SEC23IP: variants seen among roughly 807,000 people sequenced by gnomAD.
The protein encoded by SEC23IP is SEC23 interacting protein, also known as SEC23-interacting protein.
In SEC23IP, 70 loss-of-function variants were observed where a neutral mutation model predicts 113.4. The ratio of observed to expected loss-of-function variants is 0.62; its 90% CI spans 0.51 to 0.75. The LOEUF is 0.75. SEC23IP is among the 30% of genes least tolerant of loss of function. SEC23IP has a pLI of 0.00. For missense variants in SEC23IP, 1,160 were observed against 1,204.9 expected, an observed-to-expected ratio of 0.96 and a Z score of 0.55; for synonymous variants, 398 against 421.0, an observed-to-expected ratio of 0.95 and a Z score of 0.67.
At chr10:119,904,962 T>C (rs1343019885) in intron 4 of SEC23IP, among the ~76,000 whole-genome samples, 1 of 151,970 alleles carries the variant, frequency 6.6e-6, no homozygotes. Context: ...GGCGAAACCA[T>C]GTCTCTACTA....
chr10:119,893,275 C>G (rs906914220), intron 1 of SEC23IP, among the ~76,000 whole-genome samples: 1 of 152,098 alleles, frequency 6.6e-6, no homozygotes, highest in Non-Finnish European at 1.5e-5. Context: ...AACAGTGGCC[C>G]TCTCCTAGGG....
At chr10:119,900,517 T>C (rs966209704) in intron 2 of SEC23IP, among the ~76,000 whole-genome samples, 1 of 152,186 alleles carries the variant, frequency 6.6e-6, no homozygotes, top group South Asian at 2.1e-4. Context: ...CTCACTATGT[T>C]GCCCAGGCTG....
chr10:119,922,570 G>A (rs767193616), intron 12 of SEC23IP, among the ~76,000 whole-genome samples: 4 of 152,180 alleles, frequency 2.6e-5, no homozygotes, highest in Non-Finnish European at 5.9e-5. Context: ...TTGGAAAGGC[G>A]TGAAGTGGAG....
chr10:119,930,903 G>A (rs543968693), intron 15 of SEC23IP, among the ~76,000 whole-genome samples: 7 of 152,280 alleles, frequency 4.6e-5, no homozygotes, highest in African/African-American at 1.7e-4. Flanking sequence ...TGTTAATGGT[G>A]TGTATTAACG....
intron 2 of SEC23IP, among the ~76,000 whole-genome samples, chr10:119,900,283 GTGTGTGTGTGTGTGTA>G (rs1403502389): frequency 2.0e-5 from 3 of 150,514 alleles, no homozygotes; most frequent in Non-Finnish European, 4.4e-5. Flanking sequence ...GTGTGTGTAT[GTGTGTGTGTGTGTGTA>G]TATATATATA....
At chr10:119,934,764 A>G (rs543444889) in intron 18 of SEC23IP, among the ~76,000 whole-genome samples, 18 of 152,336 alleles carry the variant, frequency 1.2e-4, no homozygotes, top group Non-Finnish European at 1.9e-4. Flanking sequence ...TTAGAGAGGT[A>G]AGTACTTTTA....
intron 8 of SEC23IP, among the ~76,000 whole-genome samples, chr10:119,916,189 G>GCATCCCCATTA (rs1855047388): frequency 6.6e-6 from 1 of 152,128 alleles, no homozygotes; most frequent in African/African-American, 2.4e-5. Context: ...TGCCTAATGG[G>GCATCCCCATTA]CTTTCCACCC....
intron 2 of SEC23IP, among the ~76,000 whole-genome samples, chr10:119,901,603 A>G (rs1187977398): frequency 6.6e-6 from 1 of 152,238 alleles, no homozygotes; most frequent in Admixed American, 6.5e-5. Context: ...AAAGTGTACA[A>G]TTAGCTGAGT....
rs373292422 is a variant in SEC23IP at position 119,900,247 on chromosome 10, TTATATA to T, written c.696+1290_696+1295del. Reference sequence around the variant, plus strand: ...ATACTTCAAAATGATTTTTTAGAAATTATATATGTGTATGTATATGTACGTGTGTGT... The same window carrying T: ...ATACTTCAAAATGATTTTTTAGAAATTGTGTATGTATATGTACGTGTGTGT... On this transcript the variant is annotated intron_variant, in intron 2 of 18. Transcript: ENST00000369075. Among the ~76,000 whole-genome samples, 269 of 152,014 alleles carry T rather than the reference TTATATA, an allele frequency of 1.8e-3. 1 individual carries two copies. Among genetic ancestry groups the T allele is most frequent in the African/African-American group, 6.0e-3 (248 of 41,482 alleles).
intron 3 of SEC23IP, among the ~76,000 whole-genome samples, chr10:119,903,437 TAC>T (rs1255463229): frequency 6.6e-6 from 1 of 152,180 alleles, no homozygotes; most frequent in Non-Finnish European, 1.5e-5. Context: ...TGTGCAGGAG[TAC>T]ATTAATGCTT....
intron 14 of SEC23IP, 92 bp from the exon 15 acceptor site, chr10:119,930,237 C>A: frequency 1.7e-6 from 1 of 599,116 alleles, no homozygotes; most frequent in South Asian, 2.9e-5. Flanking sequence ...TCTGATTTGC[C>A]ATGTATCCAT....
intron 15 of SEC23IP, among the ~76,000 whole-genome samples, chr10:119,931,696 G>A (rs1855607105): frequency 1.3e-5 from 2 of 151,792 alleles, no homozygotes; most frequent in Admixed American, 1.3e-4. Context: ...GGGACTACAG[G>A]CGCCTGCCAC....
chr10:119,912,127 G>A lies in SEC23IP; in HGVS notation c.1275G>A (p.Lys425=). The A allele has an allele frequency of 6.2e-7, 1 of 1,614,116 alleles. No individual in the cohort carries two copies. The highest frequency in any genetic ancestry group is 1.3e-5 in the African/African-American group (1 of 75,046). Reference sequence around the variant, plus strand: ...GACAGACAAGGCCCAGGGTTGTAAAGCGTGGAATTGATGATAACCTTGATG... The same window carrying A: ...GACAGACAAGGCCCAGGGTTGTAAAACGTGGAATTGATGATAACCTTGATG... ...QDGQTRPRVV[K]RGIDDNLDEI... The change falls in exon 6 of 19, where the codon AAG becomes AAA. Residue 425 remains lysine, a synonymous_variant. Coordinates refer to ENST00000369075, the MANE Select transcript of SEC23IP (RefSeq NM_007190.4).
intron 12 of SEC23IP, among the ~76,000 whole-genome samples, chr10:119,924,318 C>G (rs988301767): frequency 2.0e-5 from 3 of 152,168 alleles, no homozygotes; most frequent in Non-Finnish European, 4.4e-5. Context: ...TAACAAGTCC[C>G]CCTCCCACCC....
At chr10:119,933,661 G>A (rs558887750) in intron 17 of SEC23IP, 25 bp from the exon 18 acceptor site, 3 of 1,282,926 alleles carry the variant, frequency 2.3e-6, no homozygotes, top group East Asian at 4.6e-5. Flanking sequence ...TGTCTCTTAA[G>A]TAAATATGCT....
intron 1 of SEC23IP, among the ~76,000 whole-genome samples, chr10:119,893,199 C>T (rs1461144773): frequency 6.6e-6 from 1 of 152,104 alleles, no homozygotes; most frequent in African/African-American, 2.4e-5. Context: ...CCCTGGCATT[C>T]CGCAAATCTT....
At chr10:119,893,514 C>CTTTTTTTTTTT (rs60552712) in intron 1 of SEC23IP, among the ~76,000 whole-genome samples, 1 of 85,338 alleles carries the variant, frequency 1.2e-5, no homozygotes. Flanking sequence ...CATTCCTTAT[C>CTTTTTTTTTTT]TTTTTTTTTT....
rs61207350 is a variant in SEC23IP, at chr10:119,918,995, A to ATTT, written c.1873-436_1873-434dup. Among the ~76,000 whole-genome samples the ATTT allele has an allele frequency of 9.0e-5, 13 of 143,796 alleles. 1 individual carries two copies. The highest frequency in any genetic ancestry group is 2.0e-4 in the East Asian group (1 of 4,996). The allele number at this position is 143,796 out of a possible 152,430, so 94.3% of individuals were successfully genotyped here. A position where few individuals can be genotyped will look rare whatever the true frequency, so the allele number is the denominator to read the frequency against. On this transcript the variant is annotated intron_variant, in intron 10 of 18. Transcript: ENST00000369075. ...ATTTATATACTTTTCAGAATATTCA[A>ATTT]TTTTTTTTTTTTTTTGAGGCGGAGT...
At chr10:119,901,794 C>G (rs903373050) in intron 2 of SEC23IP, among the ~76,000 whole-genome samples, 5 of 152,148 alleles carry the variant, frequency 3.3e-5, no homozygotes, top group African/African-American at 1.2e-4. Flanking sequence ...TCAAGCGATT[C>G]TCCTGCCTCA....
Sources: allele counts gnomAD v4.1 joint callset (sites outside exome capture counted in the v4.1 genomes callset), GRCh38; gene constraint gnomAD v4.1.1; transcripts MANE v1.5; gene names NCBI Gene and HGNC (gene_info 2026-07-23, HGNC 2026-07-21).